MCTP2: variants seen among roughly 807,000 people sequenced by gnomAD.
MCTP2 encodes the protein multiple C2 and transmembrane domain-containing protein 2.
In MCTP2, 132 loss-of-function variants were observed where a neutral mutation model predicts 111.6. That is an observed-to-expected ratio of 1.18 (90% CI 1.03 to 1.37). MCTP2 has a LOEUF of 1.37. Ranked by LOEUF, MCTP2 falls within the 40% of genes most tolerant of loss-of-function variation. MCTP2 has a pLI of 0.00. For synonymous variants in MCTP2, 395 were observed against 387.7 expected, an observed-to-expected ratio of 1.02 and a Z score of -0.22; for missense variants, 1,183 against 1,067.9, an observed-to-expected ratio of 1.11 and a Z score of -1.50.
intron 17 of MCTP2, among the ~76,000 whole-genome samples, chr15:94,438,187 A>G (rs1424688745): frequency 2.0e-5 from 3 of 152,176 alleles, no homozygotes; most frequent in African/African-American, 7.2e-5. Context: ...ATTGCAGAGC[A>G]TTCATTTGAA....
At position 94,384,116 on chromosome 15, in the gene MCTP2, T is replaced by C; in HGVS notation, c.1677T>C (p.Val559=). The change falls in exon 13 of 23, where the codon GTT becomes GTC. Residue 559 remains valine (V), a synonymous_variant. Coordinates refer to ENST00000357742, the MANE Select transcript of MCTP2 (RefSeq NM_001385001.1). ...YKNLNPEWNK[V]FTFPIKDIHD... is the part of the protein sequence containing the mutation. ...ACCTCAACCCTGAATGGAACAAAGTTTTTACATTGTAAGTGCTTTAGCCTC... is the reference window on the plus strand; with the variant it reads ...ACCTCAACCCTGAATGGAACAAAGTCTTTACATTGTAAGTGCTTTAGCCTC... 1.2e-6 allele frequency: 2 copies of C among 1,610,932 alleles called. No individual in the cohort carries two copies. The highest frequency in any genetic ancestry group is 1.7e-6 in the Non-Finnish European group (2 of 1,177,484).
chr15:94,311,026 T>TA (rs991927240), intron 2 of MCTP2, among the ~76,000 whole-genome samples: 5 of 142,342 alleles, frequency 3.5e-5, no homozygotes, highest in Admixed American at 7.6e-5. Context: ...CTTTTTTTTT[T>TA]TTTTTTTTTT....
intron 1 of MCTP2, among the ~76,000 whole-genome samples, chr15:94,297,677 T>G (rs1392967795): frequency 6.6e-6 from 1 of 152,210 alleles, no homozygotes; most frequent in Non-Finnish European, 1.5e-5. Context: ...TTCATTTAGG[T>G]ATTCTGTCTG....
At chr15:94,378,882 C>T (rs2079933290) in intron 12 of MCTP2, among the ~76,000 whole-genome samples, 1 of 152,154 alleles carries the variant, frequency 6.6e-6, no homozygotes, top group Non-Finnish European at 1.5e-5. Context: ...GCTCCTAGCA[C>T]AGTGCTTTGC....
intron 1 of MCTP2, among the ~76,000 whole-genome samples, chr15:94,268,865 A>G (rs2073751412): frequency 6.9e-6 from 1 of 144,368 alleles, no homozygotes; most frequent in South Asian, 2.2e-4. Context: ...ATCTTTTTGT[A>G]TATTATTGGT....
chr15:94,305,827 GC>G (rs1322423668), intron 2 of MCTP2, among the ~76,000 whole-genome samples: 2 of 152,148 alleles, frequency 1.3e-5, no homozygotes, highest in East Asian at 3.9e-4. Context: ...ATGTGAAGAA[GC>G]TAAAGTTAAG....
At chr15:94,461,169 G>T (rs1053583376) in intron 20 of MCTP2, among the ~76,000 whole-genome samples, 2 of 152,060 alleles carry the variant, frequency 1.3e-5, no homozygotes, top group Non-Finnish European at 2.9e-5. Flanking sequence ...TACTCAACAT[G>T]TAGCATTTGG....
intron 1 of MCTP2, among the ~76,000 whole-genome samples, chr15:94,243,334 T>TGCGTATGTACATACATACGTATGCGTAC (rs2071236147): frequency 7.2e-6 from 1 of 138,304 alleles, no homozygotes; most frequent in African/African-American, 2.9e-5. Context: ...CGTATGCGTA[T>TGCGTATGTACATACATACGTATGCGTAC]ATGCGTATGT....
rs2074381317 is a variant in MCTP2 at position 94,476,644 on chromosome 15, A to ATAGG, written c.2471-49_2471-48insGTAG. 46 of 909,992 alleles carry ATAGG rather than the reference A, an allele frequency of 5.1e-5. No individual in the cohort carries two copies. In the South Asian group the frequency reaches 5.8e-4, roughly 11 times the overall value. The allele number at this position is 909,992 out of a possible 1,614,324, so 56.4% of individuals were successfully genotyped here. On this transcript the variant is annotated intron_variant, in intron 21 of 22. Transcript: ENST00000357742. ...GATAGATAGATAGATAGATAGATAG[A>ATAGG]TAGATAGACAGACAGACAGATAAAG...
intron 7 of MCTP2, chr15:94,342,567 C>T (rs1242492323): frequency 1.3e-5 from 2 of 151,534 alleles, no homozygotes; most frequent in Non-Finnish European, 2.9e-5. Context: ...TATACACACA[C>T]AAATATATTT....
chr15:94,354,926 T>C (rs999935583), intron 8 of MCTP2, among the ~76,000 whole-genome samples: 20 of 152,212 alleles, frequency 1.3e-4, no homozygotes, highest in Non-Finnish European at 2.9e-4. Context: ...TATATAGTGT[T>C]AGAAATTCAT....
At chr15:94,438,770 T>C (rs2083614462) in intron 17 of MCTP2, among the ~76,000 whole-genome samples, 1 of 152,174 alleles carries the variant, frequency 6.6e-6, no homozygotes, top group African/African-American at 2.4e-5. Context: ...ATATAAAGAA[T>C]AATGATCACC....
chr15:94,250,236 T>A lies in MCTP2; in HGVS notation c.-66+18572T>A, dbSNP rs553059068. Among the ~76,000 whole-genome samples, 97 of 152,332 alleles carry A rather than the reference T, an allele frequency of 6.4e-4. 1 individual carries two copies. The highest frequency in any genetic ancestry group is 2.3e-3 in the African/African-American group (95 of 41,578). On this transcript the variant is annotated intron_variant, in intron 1 of 22. Coordinates refer to ENST00000357742, the MANE Select transcript of MCTP2 (RefSeq NM_001385001.1). ...TTAGTGAAAATGAGTGGCTCGTATT[T>A]CTGTTCCTGGTGTATGTGTGTATCT...
At chr15:94,442,771 TA>T in intron 18 of MCTP2, 147 bp from the exon 19 acceptor site, 1 of 652,572 alleles carries the variant, frequency 1.5e-6, no homozygotes, top group South Asian at 1.9e-5. Context: ...CCCTGAACTT[TA>T]AAAGAGTTAT....
chr15:94,351,743 G>A (rs2078314155), intron 8 of MCTP2, among the ~76,000 whole-genome samples: 1 of 152,218 alleles, frequency 6.6e-6, no homozygotes, highest in Non-Finnish European at 1.5e-5. Flanking sequence ...TGTGTTATAT[G>A]CAAGAGAGTA....
chr15:94,268,512 C>T (rs1238175912), intron 1 of MCTP2, among the ~76,000 whole-genome samples: 1 of 152,016 alleles, frequency 6.6e-6, no homozygotes, highest in Non-Finnish European at 1.5e-5. Context: ...TCTTCTTTTT[C>T]AATCTTTATT....
At chr15:94,291,325 G>A (rs537017300) in intron 1 of MCTP2, among the ~76,000 whole-genome samples, 2 of 152,260 alleles carry the variant, frequency 1.3e-5, no homozygotes, top group South Asian at 2.1e-4. Context: ...AAGTGAGGCC[G>A]GGTGTGGTGG....
chr15:94,369,933 C>T (rs577794249), intron 11 of MCTP2, among the ~76,000 whole-genome samples, 154 bp from the exon 12 acceptor site: 2 of 150,782 alleles, frequency 1.3e-5, no homozygotes, highest in African/African-American at 2.4e-5. Context: ...AGTGCCTAAC[C>T]GTCCTGTTAT....
intron 12 of MCTP2, among the ~76,000 whole-genome samples, chr15:94,376,403 A>G (rs2079774586): frequency 6.6e-6 from 1 of 152,120 alleles, no homozygotes; most frequent in Non-Finnish European, 1.5e-5. Context: ...TTTAATCCCT[A>G]TGTCTAATGA....
Sources: allele counts gnomAD v4.1 joint callset (sites outside exome capture counted in the v4.1 genomes callset), GRCh38; gene constraint gnomAD v4.1.1; transcripts MANE v1.5; gene names NCBI Gene and HGNC (gene_info 2026-07-23, HGNC 2026-07-21).